SNX5: variants seen among roughly 807,000 people sequenced by gnomAD.
The protein encoded by SNX5 is sorting nexin-5.
In SNX5, 31 loss-of-function variants were observed where a neutral mutation model predicts 53.9. The ratio of observed to expected loss-of-function variants is 0.58; its 90% CI spans 0.43 to 0.78. The LOEUF (loss-of-function observed/expected upper bound fraction) is 0.78. Among genes scored for constraint, SNX5 ranks in the 30% least tolerant of loss-of-function variants. SNX5 has a pLI of 0.00. For missense variants in SNX5, 471 were observed against 478.8 expected, an observed-to-expected ratio of 0.98 and a Z score of 0.15; for synonymous variants, 168 against 171.1, an observed-to-expected ratio of 0.98 and a Z score of 0.14.
In SNX5 at chr20:17,951,555, C is replaced by A. The variant is rs1382114770; in HGVS notation, c.554G>T (p.Gly185Val). Residue 185 changes from glycine (G) to valine (V), a missense_variant, in exon 6 of 13, where the codon GGC (glycine) becomes GTC (valine). Transcript: ENST00000377759. The part of the protein sequence containing the change: ...RRKNTKEMFG[G>V]FFKSVVKSAD... The stretch of plus-strand genomic sequence containing the variant: ...ACTTTTCACCACACTTTTGAAGAAG[C>A]CACCAAACATCTCTTTAGTATTTTT... 1.2e-6 allele frequency: 2 copies of A among 1,612,382 alleles called. No individual in the cohort carries two copies. Among genetic ancestry groups the A allele is most frequent in the Admixed American group, 1.7e-5 (1 of 60,016 alleles).
At position 17,952,721 on chromosome 20, in the gene SNX5, A is replaced by G. The variant is rs1397515228; in HGVS notation, c.390-11T>C. On this transcript the variant is annotated splice_polypyrimidine_tract_variant and intron_variant, in intron 4 of 12. Transcript: ENST00000377759. ...ACAGCGAGATACTCACTGAAAAGAG[A>G]TGTGCACATGGCATTCAGTTGACAC... 1.2e-6 allele frequency: 2 copies of G among 1,610,242 alleles called. No homozygotes were observed. The highest frequency in any genetic ancestry group is 1.7e-6 in the Non-Finnish European group (2 of 1,178,474).
rs776457970 is a variant in SNX5 at position 17,951,566 on chromosome 20, CTCT to C, written c.540_542del (p.Glu181del). ...CACTTTTGAAGAAGCCACCAAACAT[CTCT>C]TTAGTATTTTTCCGCCTAACACTTA... On this transcript the variant is annotated inframe_deletion, in exon 6 of 13. Coordinates refer to ENST00000377759, the MANE Select transcript of SNX5 (RefSeq NM_014426.4). 2.5e-6 allele frequency: 4 copies of C among 1,611,524 alleles called. No homozygotes were observed. Among genetic ancestry groups the C allele is most frequent in the Non-Finnish European group, 3.4e-6 (4 of 1,178,692 alleles).
intron 5 of SNX5, among the ~76,000 whole-genome samples, chr20:17,952,040 G>A (rs528102053): frequency 5.0e-4 from 76 of 152,276 alleles, no homozygotes; most frequent in African/African-American, 9.6e-4. Flanking sequence ...TGGCTAACGC[G>A]GTGAAACCCC....
chr20:17,953,338 G>A (rs2122376624), intron 4 of SNX5, among the ~76,000 whole-genome samples: 1 of 152,328 alleles, frequency 6.6e-6, no homozygotes, highest in Non-Finnish European at 1.5e-5. Flanking sequence ...GGAAATGCAA[G>A]GATGGATTCA....
intron 10 of SNX5, among the ~76,000 whole-genome samples, chr20:17,948,580 G>A (rs992676205): frequency 6.6e-6 from 1 of 152,182 alleles, no homozygotes; most frequent in African/African-American, 2.4e-5. Context: ...ACGCTTCACG[G>A]CTCAAAGGCT....
At chr20:17,958,200 T>C (rs533754340) in intron 1 of SNX5, among the ~76,000 whole-genome samples, 1 of 152,256 alleles carries the variant, frequency 6.6e-6, no homozygotes, top group South Asian at 2.1e-4. Context: ...TAAGGAGTGC[T>C]AAAGTAAAGT....
intron 2 of SNX5, among the ~76,000 whole-genome samples, chr20:17,956,628 T>C (rs1346946229): frequency 7.8e-6 from 1 of 127,710 alleles, no homozygotes; most frequent in Non-Finnish European, 1.5e-5. Flanking sequence ...TGAGCCAAGA[T>C]GGTGCCACTT....
intron 1 of SNX5, among the ~76,000 whole-genome samples, chr20:17,959,500 T>C (rs1373318532): frequency 6.6e-6 from 1 of 152,124 alleles, no homozygotes; most frequent in African/African-American, 2.4e-5. Context: ...CATTTCGCCC[T>C]AGGAAGGGAT....
chr20:17,945,230 C>T (rs2039471412), intron 11 of SNX5: 1 of 152,260 alleles, frequency 6.6e-6, no homozygotes. Flanking sequence ...TCCTCTAGAC[C>T]TACACACAGT....
chr20:17,967,470 C>T (rs899586987), intron 1 of SNX5, among the ~76,000 whole-genome samples: 1 of 152,154 alleles, frequency 6.6e-6, no homozygotes, highest in South Asian at 2.1e-4. Context: ...ACTAGATGAA[C>T]AAGTTTCTCT....
rs771605247 is a variant in SNX5 at position 17,950,406 on chromosome 20, AG to A, written c.610-11del. 18 of 1,479,240 alleles carry A rather than the reference AG, an allele frequency of 1.2e-5. No individual in the cohort carries two copies. Among genetic ancestry groups the A allele is most frequent in the Non-Finnish European group, 1.6e-5 (17 of 1,063,570 alleles). The allele number at this position is 1,479,240 out of a possible 1,614,324, so 91.6% of individuals were successfully genotyped here. On this transcript the variant is annotated splice_polypyrimidine_tract_variant and intron_variant, in intron 6 of 12. Transcript: ENST00000377759. Reference sequence around the variant, plus strand: ...AGAAGTCATCTACCTCCTAGAAGGAAGAAAAAAAGAACCAGACATTTCATGA... The same window carrying A: ...AGAAGTCATCTACCTCCTAGAAGGAAAAAAAAAGAACCAGACATTTCATGA...
Position 17,948,908 on chromosome 20 carries a change from G to C in SNX5, c.900C>G (p.Leu300=), listed in dbSNP as rs750333452. Residue 300 remains leucine, a synonymous_variant, in exon 10 of 13, where the codon CTC becomes CTG. Coordinates refer to ENST00000377759, the MANE Select transcript of SNX5 (RefSeq NM_014426.4). ...TTCCTACCTTAGCAGCTTCAATGTT[G>C]AGCATGTAGTATCGGAGGAGCTCTG... is the stretch of plus-strand genomic sequence containing the variant. ...KLTELLRYYM[L]NIEAAKDLLY... The C allele has an allele frequency of 6.2e-7, 1 of 1,611,868 alleles. No individual in the cohort carries two copies. Among genetic ancestry groups the C allele is most frequent in the South Asian group, 1.1e-5 (1 of 90,970 alleles).
intron 6 of SNX5, 117 bp from the exon 7 acceptor site, chr20:17,950,513 G>T: frequency 7.9e-6 from 5 of 632,832 alleles, no homozygotes; most frequent in Non-Finnish European, 1.4e-5. Context: ...CGTGAGTAAA[G>T]TTTAACCTCT....
At chr20:17,942,893 A>AT in intron 12 of SNX5, 2 of 401,958 alleles carry the variant, frequency 5.0e-6, no homozygotes, top group Non-Finnish European at 4.3e-6. Flanking sequence ...CCCCATCTCT[A>AT]TTAAAAAAAA....
intron 10 of SNX5, 57 bp from the exon 11 acceptor site, chr20:17,947,702 G>C (rs746344371): frequency 6.9e-7 from 1 of 1,457,160 alleles, no homozygotes; most frequent in Non-Finnish European, 9.3e-7. Flanking sequence ...CTAAAAAATA[G>C]CCCAAGTGCC....
chr20:17,950,269 A>AG, intron 7 of SNX5, 22 bp downstream of exon 7: 1 of 1,609,662 alleles, frequency 6.2e-7, no homozygotes, highest in Non-Finnish European at 8.5e-7. Flanking sequence ...CAAAGCTCTG[A>AG]CTAGCGGTAA....
intron 1 of SNX5, among the ~76,000 whole-genome samples, chr20:17,965,895 G>A (rs1296507003): frequency 6.6e-6 from 1 of 152,066 alleles, no homozygotes; most frequent in African/African-American, 2.4e-5. Flanking sequence ...TTGTAAGTTT[G>A]GACTTGCTAT....
chr20:17,963,360 G>C (rs1212453503), intron 1 of SNX5, among the ~76,000 whole-genome samples: 2 of 152,164 alleles, frequency 1.3e-5, no homozygotes, highest in African/African-American at 4.8e-5. Context: ...TAACACTCTG[G>C]GAGGCTGAGG....
At chr20:17,966,702 G>A (rs999969022) in intron 1 of SNX5, among the ~76,000 whole-genome samples, 5 of 152,146 alleles carry the variant, frequency 3.3e-5, no homozygotes, top group Admixed American at 3.3e-4. Context: ...AAATTATCAG[G>A]AGGGCATTTA....
Sources: allele counts gnomAD v4.1 joint callset (sites outside exome capture counted in the v4.1 genomes callset), GRCh38; gene constraint gnomAD v4.1.1; transcripts MANE v1.5; gene names NCBI Gene and HGNC (gene_info 2026-07-23, HGNC 2026-07-21).